Variants in ARHGEF3 observed in about 807,000 individuals in gnomAD.
The protein encoded by ARHGEF3 is 59.8 kDA protein.
ARHGEF3 carries 28 observed loss-of-function variants against 63.2 expected under a neutral mutation model. The observed-to-expected ratio is 0.44, with a 90% CI of 0.33 to 0.61. The LOEUF is 0.61. Among genes scored for constraint, ARHGEF3 ranks in the 20% least tolerant of loss-of-function variants. ARHGEF3 has a pLI of 0.03. For synonymous variants in ARHGEF3, 266 were observed against 254.2 expected, an observed-to-expected ratio of 1.05 and a Z score of -0.44; for missense variants, 533 against 659.3, an observed-to-expected ratio of 0.81 and a Z score of 2.10.
intron 1 of ARHGEF3, among the ~76,000 whole-genome samples, chr3:57,054,409 C>A (rs113696931): frequency 0.014 from 2,102 of 151,132 alleles, 44 homozygotes; most frequent in African/African-American, 0.049. Flanking sequence ...GTGGGCTGAT[C>A]GCTTGAGCCC....
At chr3:56,985,463 G>T (rs1701497213) in intron 2 of ARHGEF3, among the ~76,000 whole-genome samples, 1 of 152,240 alleles carries the variant, frequency 6.6e-6, no homozygotes, top group Non-Finnish European at 1.5e-5. Flanking sequence ...TCCTGGCACT[G>T]GGGCAGCCAG....
In ARHGEF3 at chr3:56,744,945, T is replaced by C. The variant is rs148816875; in HGVS notation, c.870+260A>G. On this transcript the variant is annotated intron_variant, in intron 7 of 9. Coordinates refer to ENST00000296315, the MANE Select transcript of ARHGEF3 (RefSeq NM_019555.3). ...ACTGTAACACCAGATTAGAGTCACC[T>C]GTATAAAATTAAGAATTTTACTAAG... Among the ~76,000 whole-genome samples the C allele has an allele frequency of 4.6e-3, 694 of 152,346 alleles. 6 individuals carry two copies. The highest frequency in any genetic ancestry group is 0.015 in the African/African-American group (644 of 41,584).
intron 4 of ARHGEF3, among the ~76,000 whole-genome samples, chr3:56,855,809 C>G (rs577155004): frequency 5.3e-5 from 8 of 152,298 alleles, no homozygotes; most frequent in Admixed American, 2.0e-4. Context: ...TGAACCACAG[C>G]TCTCCCAAAT....
intron 4 of ARHGEF3, among the ~76,000 whole-genome samples, chr3:56,810,204 T>C (rs534889410): frequency 6.6e-6 from 1 of 152,328 alleles, no homozygotes; most frequent in South Asian, 2.1e-4. Flanking sequence ...CAAAGTACCG[T>C]ATTTTGTCGA....
chr3:56,888,755 T>G (rs2041009517), intron 3 of ARHGEF3, among the ~76,000 whole-genome samples: 1 of 151,882 alleles, frequency 6.6e-6, no homozygotes, highest in African/African-American at 2.4e-5. Context: ...ATGTAAAAAT[T>G]AGCTGGGCAT....
intron 2 of ARHGEF3, among the ~76,000 whole-genome samples, chr3:56,986,951 C>A (rs1433173425): frequency 6.6e-6 from 1 of 152,130 alleles, no homozygotes; most frequent in Non-Finnish European, 1.5e-5. Flanking sequence ...ATGGCTCATG[C>A]CTGTAATCCC....
intron 4 of ARHGEF3, among the ~76,000 whole-genome samples, chr3:56,822,039 A>AGAAGAGAAGAGAAGAGAAGC (rs1303262197): frequency 6.6e-6 from 1 of 150,914 alleles, no homozygotes. Context: ...AGAAGCGAGG[A>AGAAGAGAAGAGAAGAGAAGC]AAAGAAAAGA....
Position 56,817,829 on chromosome 3 carries a change from G to A in ARHGEF3, c.193-44013C>T, listed in dbSNP as rs74719833. ...AGCTACACCCTTCCCCAAAGATAGC[G>A]TGTCATTGGCCCCAGCATGCCCCGT... On this transcript the variant is annotated intron_variant, in intron 4 of 12. Transcript: ENST00000338458. Among the ~76,000 whole-genome samples, 279 of 152,302 alleles carry A rather than the reference G, an allele frequency of 1.8e-3. 4 individuals are homozygous for A. In the East Asian group the frequency reaches 0.036, roughly 20 times the overall value.
At chr3:56,981,898 G>A (rs1455119360) in intron 2 of ARHGEF3, among the ~76,000 whole-genome samples, 1 of 152,176 alleles carries the variant, frequency 6.6e-6, no homozygotes, top group Non-Finnish European at 1.5e-5. Context: ...TTTTCTGTTG[G>A]GGGATGCCCT....
intron 2 of ARHGEF3, among the ~76,000 whole-genome samples, chr3:57,000,948 T>A (rs180840234): frequency 1.1e-3 from 156 of 144,422 alleles, no homozygotes; most frequent in African/African-American, 4.4e-3. Flanking sequence ...TATTTTTTAA[T>A]TTTTTTTTAG....
intron 2 of ARHGEF3, among the ~76,000 whole-genome samples, chr3:56,974,040 C>T (rs545547865): frequency 1.3e-5 from 2 of 152,154 alleles, no homozygotes; most frequent in African/African-American, 2.4e-5. Flanking sequence ...GAGCTATGAT[C>T]GCACCACTGC....
chr3:56,912,536 T>C lies in ARHGEF3; in HGVS notation c.130-30182A>G, dbSNP rs185973017. On this transcript the variant is annotated intron_variant, in intron 3 of 12. Transcript: ENST00000338458. ...TGACCTAGACAAATTATTTATCTTC[T>C]GTAAATCTCAGTTTTGCCATCTGCA... Among the ~76,000 whole-genome samples the C allele has an allele frequency of 1.3e-4, 20 of 152,344 alleles. 1 individual carries two copies. Among genetic ancestry groups the C allele is most frequent in the African/African-American group, 4.6e-4 (19 of 41,576 alleles).
chr3:57,070,621 C>G (rs770271419), intron 1 of ARHGEF3, among the ~76,000 whole-genome samples: 1 of 152,010 alleles, frequency 6.6e-6, no homozygotes, highest in African/African-American at 2.4e-5. Flanking sequence ...ACAAGCTGAT[C>G]CTAAAATTCA....
Position 56,727,425 on chromosome 3 carries a change from T to A in ARHGEF3, c.*1845A>T, listed in dbSNP as rs1329291143. The A allele has an allele frequency of 6.6e-6, 1 of 152,644 alleles. No individual in the cohort carries two copies. Among genetic ancestry groups the A allele is most frequent in the African/African-American group, 2.4e-5 (1 of 41,464 alleles). The allele number at this position is 152,644 out of a possible 1,614,324, so 9.5% of individuals were successfully genotyped here. A position where few individuals can be genotyped will look rare whatever the true frequency, so the allele number is the denominator to read the frequency against. The stretch of plus-strand genomic sequence containing the variant: ...AACACTGTACACATGGAGGATGACT[T>A]AATAATGTAATTTATTTGAAATACT... On this transcript the variant is annotated 3_prime_UTR_variant, in exon 10 of 10. Coordinates refer to ENST00000296315, the MANE Select transcript of ARHGEF3 (RefSeq NM_019555.3).
intron 2 of ARHGEF3, among the ~76,000 whole-genome samples, chr3:57,012,005 CAT>C (rs146917704): frequency 0.014 from 2,065 of 152,124 alleles, 49 homozygotes; most frequent in African/African-American, 0.047. Flanking sequence ...CAGACTCCCT[CAT>C]AGGATACTCA....
intron 3 of ARHGEF3, among the ~76,000 whole-genome samples, chr3:56,909,466 T>C (rs1401692399): frequency 6.6e-6 from 1 of 152,254 alleles, no homozygotes; most frequent in African/African-American, 2.4e-5. Flanking sequence ...GGCCTCTCCC[T>C]GCTGCCATGC....
chr3:56,837,292 A>G (rs2039147659), intron 4 of ARHGEF3, among the ~76,000 whole-genome samples: 1 of 152,176 alleles, frequency 6.6e-6, no homozygotes, highest in Non-Finnish European at 1.5e-5. Flanking sequence ...ACGTTTTTCT[A>G]CTCTGCTACC....
chr3:56,877,360 A>C (rs2040619578), intron 4 of ARHGEF3, among the ~76,000 whole-genome samples: 2 of 150,210 alleles, frequency 1.3e-5, no homozygotes, highest in Admixed American at 1.3e-4. Context: ...TGAATAAATT[A>C]ATTTGTACTA....
chr3:56,801,758 C>A lies in ARHGEF3; in HGVS notation c.41G>T (p.Arg14Ile). ...KDYPFYLTVK[R>I]ANCSLELPPA... is the part of the protein sequence containing the mutation. The stretch of plus-strand genomic sequence containing the variant: ...GGGTAGCTCCAGGCTGCAGTTCGCT[C>A]TCTTGACCGTGAGGTAGAAGGGGTA... The change falls in exon 1 of 10, where the codon AGA becomes ATA. Residue 14 changes from arginine to isoleucine, a missense_variant. Around this residue, in one of 4 missense-constraint regions of ARHGEF3, gnomAD observed 160 missense variants for 157.3 expected, o/e 1.02. Transcript: ENST00000296315. 1 of 1,570,030 alleles carries A rather than the reference C, an allele frequency of 6.4e-7. No homozygotes were observed. The highest frequency in any genetic ancestry group is 1.2e-5 in the South Asian group (1 of 85,504).
Sources: allele counts gnomAD v4.1 joint callset (sites outside exome capture counted in the v4.1 genomes callset), GRCh38; gene constraint gnomAD v4.1.1; regional missense constraint gnomAD v4.1.1; transcripts MANE v1.5; gene names NCBI Gene and HGNC (gene_info 2026-07-23, HGNC 2026-07-21).